Variants in ADAMTSL1 observed in about 807,000 individuals in gnomAD.
ADAMTSL1 encodes the protein ADAMTS like 1, also known as ADAMTS-like protein 1.
ADAMTSL1 carries 126 observed loss-of-function variants against 201.8 expected under a neutral mutation model. The observed-to-expected ratio is 0.62, with a 90% CI of 0.54 to 0.72. The LOEUF (loss-of-function observed/expected upper bound fraction) is 0.72. Among genes scored for constraint, ADAMTSL1 ranks in the 30% least tolerant of loss-of-function variants. ADAMTSL1 has a pLI of 0.00. For missense variants in ADAMTSL1, 2,679 were observed against 2,277.8 expected, an observed-to-expected ratio of 1.18 and a Z score of -3.59; for synonymous variants, 1,121 against 903.4, an observed-to-expected ratio of 1.24 and a Z score of -4.32.
intron 1 of ADAMTSL1, among the ~76,000 whole-genome samples, chr9:18,004,097 T>G (rs1819720860): frequency 6.6e-6 from 1 of 152,068 alleles, no homozygotes; most frequent in African/African-American, 2.4e-5. Flanking sequence ...ATGGACCACT[T>G]AATTTATTAA....
At chr9:18,714,277 C>CA (rs1429915024) in intron 14 of ADAMTSL1, among the ~76,000 whole-genome samples, 5 of 150,536 alleles carry the variant, frequency 3.3e-5, no homozygotes, top group South Asian at 2.1e-4. Flanking sequence ...AATAGAGACA[C>CA]AAAAAACCCT....
chr9:18,035,379 G>A (rs1264154289), intron 1 of ADAMTSL1, among the ~76,000 whole-genome samples: 1 of 152,190 alleles, frequency 6.6e-6, no homozygotes, highest in East Asian at 1.9e-4. Flanking sequence ...CAAAGGAGGA[G>A]CAAAAAGTCC....
At chr9:18,298,780 T>C (rs1483443278) in intron 2 of ADAMTSL1, among the ~76,000 whole-genome samples, 1 of 151,732 alleles carries the variant, frequency 6.6e-6, no homozygotes, top group Non-Finnish European at 1.5e-5. Context: ...TCCCAGCACT[T>C]TGGGAGGCCG....
rs1378271655 is a variant in ADAMTSL1 at position 18,047,832 on chromosome 9, T to C, written c.88-116030T>C. Among the ~76,000 whole-genome samples the C allele has an allele frequency of 2.0e-5, 3 of 152,318 alleles. 1 individual carries two copies. The South Asian group carries it at 6.2e-4, about 32-fold the overall frequency. ...CAATTACTTGGTCTGGGGAAAAAGA[T>C]GAGTTCAGTTTTAGTTTGTTGACTT... On this transcript the variant is annotated intron_variant, in intron 1 of 29. Coordinates refer to the ADAMTSL1 transcript ENST00000680146.
intron 23 of ADAMTSL1, among the ~76,000 whole-genome samples, chr9:18,864,058 T>A (rs1330057118): frequency 6.6e-6 from 1 of 152,220 alleles, no homozygotes; most frequent in African/African-American, 2.4e-5. Flanking sequence ...TTTCATACTT[T>A]TACACAGCAT....
intron 1 of ADAMTSL1, among the ~76,000 whole-genome samples, chr9:18,477,362 T>C (rs1377157729): frequency 6.6e-6 from 1 of 152,210 alleles, no homozygotes; most frequent in African/African-American, 2.4e-5. Flanking sequence ...TACATGTGTT[T>C]TCCTGTTGAA....
chr9:17,971,201 G>A (rs1818193783), intron 1 of ADAMTSL1, among the ~76,000 whole-genome samples: 1 of 151,980 alleles, frequency 6.6e-6, no homozygotes. Flanking sequence ...AGTTTGGAGG[G>A]TTGGAAAATG....
intron 1 of ADAMTSL1, among the ~76,000 whole-genome samples, chr9:18,147,476 A>C (rs943025122): frequency 6.6e-6 from 1 of 152,120 alleles, no homozygotes; most frequent in Admixed American, 6.6e-5. Context: ...GCTTGGAACC[A>C]ACTTGCAGCA....
chr9:18,602,830 G>A (rs1824749218), intron 4 of ADAMTSL1, among the ~76,000 whole-genome samples: 1 of 152,172 alleles, frequency 6.6e-6, no homozygotes. Context: ...ATGAAGTTAA[G>A]TAGGTCGGAC....
At chr9:18,769,509 A>G (rs938976429) in intron 16 of ADAMTSL1, among the ~76,000 whole-genome samples, 1 of 152,230 alleles carries the variant, frequency 6.6e-6, no homozygotes, top group African/African-American at 2.4e-5. Context: ...TTAAAAAGAT[A>G]GAAAAGTCTT....
chr9:18,587,225 A>G (rs1349848221), intron 4 of ADAMTSL1, among the ~76,000 whole-genome samples: 1 of 152,216 alleles, frequency 6.6e-6, no homozygotes, highest in African/African-American at 2.4e-5. Flanking sequence ...ATTATCCAGC[A>G]TGTATAAGGA....
At chr9:18,631,712 T>C (rs933762542) in intron 5 of ADAMTSL1, among the ~76,000 whole-genome samples, 1 of 152,194 alleles carries the variant, frequency 6.6e-6, no homozygotes, top group Admixed American at 6.5e-5. Context: ...TATAAAATAT[T>C]CTATATAGAA....
Position 18,024,627 on chromosome 9 carries a change from C to T in ADAMTSL1, c.87+117705C>T, listed in dbSNP as rs115141090. 6.8e-3 allele frequency among the ~76,000 whole-genome samples: 1,033 copies of T among 152,056 alleles called. 13 individuals carry two copies. Among genetic ancestry groups the T allele is most frequent in the African/African-American group, 0.024 (978 of 41,528 alleles). Reference sequence around the variant, plus strand: ...TTTTTTATGGCCATATAGTATTCCACGGTGTATATGTTCCACATTTTCTTT... The same window carrying T: ...TTTTTTATGGCCATATAGTATTCCATGGTGTATATGTTCCACATTTTCTTT... On this transcript the variant is annotated intron_variant, in intron 1 of 29. Transcript: ENST00000680146.
chr9:18,523,116 T>C (rs1818804674), intron 2 of ADAMTSL1, among the ~76,000 whole-genome samples: 1 of 152,158 alleles, frequency 6.6e-6, no homozygotes, highest in Non-Finnish European at 1.5e-5. Context: ...TTTCCTGACT[T>C]TTTAATGATC....
chr9:17,957,198 G>T (rs1032516756), intron 1 of ADAMTSL1, among the ~76,000 whole-genome samples: 5 of 152,094 alleles, frequency 3.3e-5, no homozygotes, highest in Admixed American at 6.6e-5. Context: ...TGTTCTAAAA[G>T]AACTCACAAA....
intron 4 of ADAMTSL1, among the ~76,000 whole-genome samples, chr9:18,604,573 T>A (rs1824883905): frequency 6.6e-6 from 1 of 152,246 alleles, no homozygotes; most frequent in African/African-American, 2.4e-5. Context: ...GGTTCTTCTA[T>A]GTCATAGCAA....
At chr9:18,193,792 T>A (rs1273921078) in intron 2 of ADAMTSL1, among the ~76,000 whole-genome samples, 1 of 148,998 alleles carries the variant, frequency 6.7e-6, no homozygotes, top group Non-Finnish European at 1.5e-5. Flanking sequence ...AAACCTAGGG[T>A]TTTTTGGGGC....
At chr9:18,278,766 T>C (rs1832680308) in intron 2 of ADAMTSL1, among the ~76,000 whole-genome samples, 2 of 152,220 alleles carry the variant, frequency 1.3e-5, no homozygotes, top group South Asian at 4.1e-4. Context: ...CCTTTTTTGC[T>C]GATTCTCCTG....
Position 18,675,926 on chromosome 9 carries a change from C to G in ADAMTSL1, c.1136+19C>G. 6.2e-7 allele frequency: 1 copy of G among 1,609,612 alleles called. No homozygotes were observed. Among genetic ancestry groups the G allele is most frequent in the East Asian group, 2.2e-5 (1 of 44,796 alleles). ...TTCCTCGGTACGTAAATCAATCATC[C>G]TGATGTTAGAATTAGCAAATTAGTC... On this transcript the variant is annotated intron_variant, in intron 10 of 28. Coordinates refer to ENST00000380548, the MANE Select transcript of ADAMTSL1 (RefSeq NM_001040272.6).
Sources: gnomAD v4.1 joint callset for allele counts (sites outside exome capture counted in the v4.1 genomes callset) on GRCh38, gnomAD v4.1.1 for gene constraint, MANE v1.5 for transcripts, NCBI Gene and HGNC (gene_info 2026-07-23, HGNC 2026-07-21) for gene names.